Variants in DIS3L2 observed in about 807,000 individuals in gnomAD.
The protein encoded by DIS3L2 is DIS3-like exonuclease 2.
A neutral mutation model predicts 97.5 loss-of-function variants in DIS3L2; 34 were observed. The observed-to-expected ratio is 0.35, with a 90% CI of 0.27 to 0.46. The LOEUF (loss-of-function observed/expected upper bound fraction) is 0.46. Among genes scored for constraint, DIS3L2 ranks in the 20% least tolerant of loss-of-function variants. The pLI is 1.00. For synonymous variants in DIS3L2, 435 were observed against 445.2 expected (o/e 0.98, Z 0.29); for missense variants, 1,038 against 1,146.0 (o/e 0.91, Z 1.36).
intron 1 of DIS3L2, among the ~76,000 whole-genome samples, chr2:232,012,642 G>T (rs896177244): frequency 6.6e-6 from 1 of 151,760 alleles, no homozygotes; most frequent in African/African-American, 2.4e-5. Context: ...TTTTCTTAAT[G>T]CCTGCCTCTG....
At chr2:232,080,669 G>C (rs1238161034) in intron 5 of DIS3L2, among the ~76,000 whole-genome samples, 1 of 151,978 alleles carries the variant, frequency 6.6e-6, no homozygotes, top group Non-Finnish European at 1.5e-5. Flanking sequence ...GGGAGGCTAA[G>C]GTGGGTGGAT....
chr2:231,966,612 G>A (rs1289963157), intron 1 of DIS3L2, among the ~76,000 whole-genome samples: 1 of 142,264 alleles, frequency 7.0e-6, no homozygotes, highest in Non-Finnish European at 1.5e-5. Flanking sequence ...CTACAGGCAT[G>A]AGCCACCATG....
chr2:232,076,146 T>C (rs1696177533), intron 5 of DIS3L2, among the ~76,000 whole-genome samples: 1 of 152,188 alleles, frequency 6.6e-6, no homozygotes, highest in Non-Finnish European at 1.5e-5. Context: ...TTGATCTTCC[T>C]TTCTCCCTCT....
chr2:232,107,153 A>G (rs920080636), intron 6 of DIS3L2, among the ~76,000 whole-genome samples: 3 of 152,204 alleles, frequency 2.0e-5, no homozygotes, highest in African/African-American at 4.8e-5. Context: ...TCAAAAAGCT[A>G]GAAAGATCTC....
In DIS3L2 at chr2:232,024,301, A is replaced by T. The variant is rs1344946327; in HGVS notation, c.235A>T (p.Lys79Ter). Residue 79 changes from lysine to a stop codon, truncating the protein, a stop_gained, in exon 4 of 21, where the codon AAG becomes TAG. Coordinates refer to ENST00000325385, the MANE Select transcript of DIS3L2 (RefSeq NM_152383.5). LOFTEE classifies it high-confidence loss of function. The part of the protein sequence containing the change: ...IQGVLRINPK[K>*]FHEAFIPSPD... Reference sequence around the variant, plus strand: ...GGGTGTATTGAGAATTAATCCAAAGAAGTTTCATGAAGCCTTCATTCCTTC... The same window carrying T: ...GGGTGTATTGAGAATTAATCCAAAGTAGTTTCATGAAGCCTTCATTCCTTC... 1 of 1,603,542 alleles carries T rather than the reference A, an allele frequency of 6.2e-7. No individual in the cohort carries two copies. The highest frequency in any genetic ancestry group is 8.5e-7 in the Non-Finnish European group (1 of 1,175,692).
chr2:232,184,978 T>C (rs983145671), intron 9 of DIS3L2, among the ~76,000 whole-genome samples: 1 of 152,216 alleles, frequency 6.6e-6, no homozygotes, highest in African/African-American at 2.4e-5. Context: ...CTAGAAGAAT[T>C]AGCCTTGCCC....
At chr2:232,283,606 G>A (rs1300266305) in intron 13 of DIS3L2, among the ~76,000 whole-genome samples, 1 of 152,066 alleles carries the variant, frequency 6.6e-6, no homozygotes, top group Non-Finnish European at 1.5e-5. Context: ...CATTTCTCTC[G>A]GTAGATGTTG....
At chr2:232,216,138 T>G (rs1418040495) in intron 10 of DIS3L2, among the ~76,000 whole-genome samples, 1 of 151,354 alleles carries the variant, frequency 6.6e-6, no homozygotes, top group Non-Finnish European at 1.5e-5. Flanking sequence ...TTGCTGTTGC[T>G]TTCTCACTTC....
chr2:232,130,768 G>A lies in DIS3L2; in HGVS notation c.702+49G>A, dbSNP rs989884968. ...ACGTGTCCAAATGGCTTTCACCTGA[G>A]CTACTTGTTGAAGATCTCGTGTGAT... On this transcript the variant is annotated intron_variant, in intron 7 of 20. Coordinates refer to ENST00000325385, the MANE Select transcript of DIS3L2 (RefSeq NM_152383.5). The A allele has an allele frequency of 2.5e-6, 4 of 1,603,902 alleles. No individual in the cohort carries two copies. In the African/African-American group the frequency reaches 4.0e-5, roughly 16 times the overall value.
At chr2:232,163,038 T>G (rs1690698699) in intron 8 of DIS3L2, among the ~76,000 whole-genome samples, 1 of 152,218 alleles carries the variant, frequency 6.6e-6, no homozygotes, top group African/African-American at 2.4e-5. Flanking sequence ...TTTTAAAGAT[T>G]AAAAACTGGT....
intron 3 of DIS3L2, 133 bp downstream of exon 3, chr2:232,015,804 C>A: frequency 1.0e-6 from 1 of 964,058 alleles, no homozygotes; most frequent in Non-Finnish European, 1.5e-6. Context: ...GTTATGATGG[C>A]ATAACAGAGA....
intron 10 of DIS3L2, among the ~76,000 whole-genome samples, chr2:232,212,761 G>A (rs1001582440): frequency 2.6e-5 from 4 of 152,158 alleles, no homozygotes; most frequent in Middle Eastern, 3.2e-3. Flanking sequence ...TGCAATAGTT[G>A]TGGACCTGGA....
At chr2:232,275,549 G>A (rs1264670651) in intron 13 of DIS3L2, among the ~76,000 whole-genome samples, 1 of 152,178 alleles carries the variant, frequency 6.6e-6, no homozygotes, top group Non-Finnish European at 1.5e-5. Context: ...ATTTTTAAAA[G>A]AGTGATAGTA....
intron 8 of DIS3L2, among the ~76,000 whole-genome samples, chr2:232,147,529 T>G (rs1690252164): frequency 1.3e-5 from 2 of 152,206 alleles, no homozygotes; most frequent in Admixed American, 1.3e-4. Context: ...CTATGAGAGC[T>G]TCTAAGTTAT....
intron 1 of DIS3L2, among the ~76,000 whole-genome samples, chr2:232,008,323 T>C (rs1005081526): frequency 4.6e-4 from 70 of 152,188 alleles, no homozygotes; most frequent in African/African-American, 1.6e-3. Context: ...CCACCACATC[T>C]GGCCAAATTT....
At chr2:232,343,118 G>A (rs1327739260) in intron 13 of DIS3L2, 3 of 528,460 alleles carry the variant, frequency 5.7e-6, no homozygotes, top group Middle Eastern at 5.2e-4. Context: ...GGGGTCTTCT[G>A]GAAGTAACTG....
At chr2:232,271,066 T>A (rs1390022985) in intron 13 of DIS3L2, among the ~76,000 whole-genome samples, 3 of 152,210 alleles carry the variant, frequency 2.0e-5, no homozygotes, top group Non-Finnish European at 4.4e-5. Flanking sequence ...CACAGACACT[T>A]CTCGTTGTGT....
chr2:232,323,906 C>T (rs1044438412), intron 14 of DIS3L2, among the ~76,000 whole-genome samples: 4 of 152,186 alleles, frequency 2.6e-5, no homozygotes, highest in Admixed American at 2.0e-4. Flanking sequence ...TCCAGGCCTC[C>T]ACTTTCCAGC....
In DIS3L2 at chr2:232,037,789, G is replaced by C. The variant is rs1382989724; in HGVS notation, c.366+7709G>C. 6.6e-6 allele frequency among the ~76,000 whole-genome samples: 1 copy of C among 152,190 alleles called. No homozygotes were observed. The highest frequency in any genetic ancestry group is 1.5e-5 in the Non-Finnish European group (1 of 68,026). On this transcript the variant is annotated intron_variant, in intron 5 of 20. Transcript: ENST00000325385. This position sits in a 1 kb window ranked among gnomAD's most constrained non-coding sequence, Gnocchi z 4.6. ...CATGGCTTCCCTTGGCTAGGGGTGG[G>C]AGTTCCCTGACTCCTTGCACTTCCT...
Sources: allele counts gnomAD v4.1 joint callset (sites outside exome capture counted in the v4.1 genomes callset), GRCh38; gene constraint gnomAD v4.1.1; non-coding constraint Gnocchi (gnomAD v3.1); transcripts MANE v1.5; gene names NCBI Gene and HGNC (gene_info 2026-07-23, HGNC 2026-07-21).